PPA2: variants seen among roughly 807,000 people sequenced by gnomAD.
PPA2 encodes inorganic pyrophosphatase 2, mitochondrial.
Under a neutral mutation model 49.5 loss-of-function variants are expected in PPA2, and 48 were observed. That is an observed-to-expected ratio of 0.97 (90% CI 0.77 to 1.23). The LOEUF (loss-of-function observed/expected upper bound fraction) is 1.23. PPA2 is among the 50% of genes most tolerant of loss of function. The pLI is 0.00. For synonymous variants in PPA2, 131 were observed against 139.9 expected (o/e 0.94, Z 0.45); for missense variants, 429 against 410.1 (o/e 1.05, Z -0.40).
intron 1 of PPA2, among the ~76,000 whole-genome samples, chr4:105,463,699 G>A (rs923469823): frequency 1.8e-4 from 28 of 152,168 alleles, no homozygotes; most frequent in African/African-American, 6.0e-4. Context: ...GGTGCCTTGC[G>A]TCCCAGGTGG....
chr4:105,465,799 T>TGG (rs141679397), intron 1 of PPA2, among the ~76,000 whole-genome samples: 5 of 152,104 alleles, frequency 3.3e-5, no homozygotes, highest in African/African-American at 9.7e-5. Context: ...ATAATGTGAC[T>TGG]GGGGGGGTCA....
At position 105,369,734 on chromosome 4, in the gene PPA2, A is replaced by T; in HGVS notation, c.996T>A (p.Leu332=). The change falls in exon 12 of 12, where the codon CTT becomes CTA. Residue 332 remains leucine (L), a synonymous_variant. Coordinates refer to ENST00000341695, the MANE Select transcript of PPA2 (RefSeq NM_176869.3). ...ATTTCAGATGTTTCAATCACTTGCC[A>T]AGGAAGTGCCACACTTGCTCTGCAT... ...SNEEEQVWHF[L]GK 6.3e-7 allele frequency: 1 copy of T among 1,592,400 alleles called. No individual in the cohort carries two copies.
chr4:105,399,041 T>C lies in PPA2; in HGVS notation c.779A>G (p.Asn260Ser), dbSNP rs781035150. 21 of 1,608,106 alleles carry C rather than the reference T, an allele frequency of 1.3e-5. No individual in the cohort carries two copies. Among genetic ancestry groups the C allele is most frequent in the Non-Finnish European group, 1.7e-5 (20 of 1,178,548 alleles). The change falls in exon 8 of 12, where the codon AAC becomes AGC. Residue 260 changes from asparagine to serine, a missense_variant. Physicochemically the swap from Asn to Ser is conservative, Grantham distance 46 (BLOSUM62 1). Transcript: ENST00000341695. Reference sequence around the variant, plus strand: ...AATAAAGATTCTCATCTTCACCTTGTTTTTGAATTCTCCATTAAAAGCAAA... The same window carrying C: ...AATAAAGATTCTCATCTTCACCTTGCTTTTGAATTCTCCATTAAAAGCAAA... Reference protein sequence around the residue: ...NQFAFNGEFKNKAFALEVIKS... With the variant: ...NQFAFNGEFKSKAFALEVIKS...
intron 7 of PPA2, chr4:105,399,474 C>T (rs758315030): frequency 4.1e-5 from 8 of 193,856 alleles, no homozygotes; most frequent in Non-Finnish European, 7.3e-5. Flanking sequence ...CAGTTTTTAA[C>T]TCAGGGAAAG....
chr4:105,373,648 C>T (rs2110359283), intron 10 of PPA2, among the ~76,000 whole-genome samples: 1 of 152,152 alleles, frequency 6.6e-6, no homozygotes, highest in African/African-American at 2.4e-5. Context: ...AAACATTTAT[C>T]ATTACATTTT....
intron 10 of PPA2, among the ~76,000 whole-genome samples, chr4:105,376,507 G>T (rs41438151): frequency 6.6e-6 from 1 of 151,934 alleles, no homozygotes; most frequent in Non-Finnish European, 1.5e-5. Context: ...AGGTTTATCC[G>T]AGACTAGTTT....
intron 10 of PPA2, among the ~76,000 whole-genome samples, chr4:105,377,739 C>T (rs2726502): frequency 0.52 from 78,456 of 151,832 alleles, 21,199 homozygotes; most frequent in East Asian, 0.68. Flanking sequence ...CTGATCTGGT[C>T]TGCATCATTA....
At position 105,396,304 on chromosome 4, in the gene PPA2, G is replaced by A. The variant is rs758551684; in HGVS notation, c.814C>T (p.His272Tyr). The change falls in exon 9 of 12, where the codon CAT (histidine) becomes TAT (tyrosine). Residue 272 changes from histidine (H) to tyrosine (Y), a missense_variant. His to Tyr is a moderately conservative substitution (Grantham distance 83). Transcript: ENST00000341695. ...ATAAGCAATGCTTTCCAACATTGAT[G>A]AGTGGATTTAATAACTTCAAGAGCA... ...AFALEVIKST[H>Y]QCWKALLMKK... The A allele has an allele frequency of 3.9e-5, 62 of 1,598,226 alleles. No individual in the cohort carries two copies. Among genetic ancestry groups the A allele is most frequent in the Non-Finnish European group, 5.0e-5 (59 of 1,173,118 alleles).
intron 3 of PPA2, among the ~76,000 whole-genome samples, chr4:105,452,179 T>C (rs1578876427): frequency 6.6e-6 from 1 of 152,244 alleles, no homozygotes; most frequent in African/African-American, 2.4e-5. Context: ...TTCTTTCCTC[T>C]CTAATCCTGA....
intron 7 of PPA2, among the ~76,000 whole-genome samples, chr4:105,410,796 T>G (rs1560617971): frequency 6.6e-6 from 1 of 152,152 alleles, no homozygotes; most frequent in South Asian, 2.1e-4. Context: ...AACCCAGAAT[T>G]TCATATCAAG....
Position 105,420,208 on chromosome 4 carries a change from G to A in PPA2, c.655+3988C>T, listed in dbSNP as rs1723192701. ...GCTGGTCTTGAACTTCTGACCTCAG[G>A]TGATCTGCCTGCCTTGGCCTCTTTT... On this transcript the variant is annotated intron_variant, in intron 7 of 11. Coordinates refer to ENST00000341695, the MANE Select transcript of PPA2 (RefSeq NM_176869.3). 1.3e-5 allele frequency among the ~76,000 whole-genome samples: 2 copies of A among 152,150 alleles called. 1 individual carries two copies. Among genetic ancestry groups the A allele is most frequent in the South Asian group, 4.1e-4 (2 of 4,830 alleles).
chr4:105,370,265 C>T (rs141432581), intron 11 of PPA2, among the ~76,000 whole-genome samples: 24 of 152,204 alleles, frequency 1.6e-4, no homozygotes, highest in African/African-American at 5.8e-4. Context: ...TCCAAATCTG[C>T]AAGTTGAATG....
intron 7 of PPA2, among the ~76,000 whole-genome samples, chr4:105,411,620 T>C (rs906754618): frequency 6.6e-6 from 1 of 152,048 alleles, no homozygotes; most frequent in Admixed American, 6.6e-5. Flanking sequence ...AAATAAAGGG[T>C]ATTCGATAAG....
chr4:105,461,264 C>T (rs748934542), intron 1 of PPA2, among the ~76,000 whole-genome samples: 2 of 152,318 alleles, frequency 1.3e-5, no homozygotes, highest in Middle Eastern at 3.4e-3. Flanking sequence ...TGCTTCTCCA[C>T]GGGACCCATG....
At position 105,411,081 on chromosome 4, in the gene PPA2, A is replaced by T. The variant is rs199789183; in HGVS notation, c.656-11917T>A. ...ACATAACAATATTAACCTTAAATGTAAATGGGTTAAATGCCCCAATTAAAA... is the reference window on the plus strand; with the variant it reads ...ACATAACAATATTAACCTTAAATGTTAATGGGTTAAATGCCCCAATTAAAA... On this transcript the variant is annotated intron_variant, in intron 7 of 11. Coordinates refer to ENST00000341695, the MANE Select transcript of PPA2 (RefSeq NM_176869.3). 3.8e-4 allele frequency among the ~76,000 whole-genome samples: 58 copies of T among 152,364 alleles called. No individual in the cohort carries two copies. In the East Asian group the frequency reaches 9.1e-3, roughly 24 times the overall value.
intron 7 of PPA2, among the ~76,000 whole-genome samples, chr4:105,421,911 C>T (rs553758321): frequency 5.9e-5 from 9 of 151,986 alleles, no homozygotes; most frequent in African/African-American, 1.4e-4. Flanking sequence ...GGTGTGGTGG[C>T]GCGCGCCTGT....
chr4:105,413,540 T>A (rs1722861113), intron 7 of PPA2, among the ~76,000 whole-genome samples: 1 of 152,160 alleles, frequency 6.6e-6, no homozygotes, highest in Non-Finnish European at 1.5e-5. Flanking sequence ...AAGATTAGTC[T>A]CATATATGCC....
intron 1 of PPA2, among the ~76,000 whole-genome samples, chr4:105,472,830 G>T (rs971865539): frequency 2.0e-5 from 3 of 152,106 alleles, no homozygotes; most frequent in Non-Finnish European, 2.9e-5. Flanking sequence ...ATGATTATCG[G>T]TATTAACAAT....
rs74616147 is a variant in PPA2 at position 105,380,014 on chromosome 4, T to G, written c.939+6553A>C. Among the ~76,000 whole-genome samples the G allele has an allele frequency of 1.3e-4, 20 of 152,338 alleles. No homozygotes were observed. The East Asian group carries it at 3.9e-3, about 29-fold the overall frequency. On this transcript the variant is annotated intron_variant, in intron 10 of 11. Transcript: ENST00000341695. ...TCTAGTTGTTTTTAGGTAGAATTTG[T>G]TGAACTTGCTATGGAGACATTCATG...
Sources: allele counts gnomAD v4.1 joint callset (sites outside exome capture counted in the v4.1 genomes callset), GRCh38; gene constraint gnomAD v4.1.1; transcripts MANE v1.5; gene names NCBI Gene and HGNC (gene_info 2026-07-23, HGNC 2026-07-21).